Variants in STPG4 observed in about 807,000 individuals in gnomAD.
STPG4 encodes protein STPG4.
STPG4 carries 41 observed loss-of-function variants against 31.5 expected under a neutral mutation model. The observed-to-expected ratio is 1.30, with a 90% CI of 1.01 to 1.69. The LOEUF is 1.69. Among genes scored for constraint, STPG4 ranks in the 40% most tolerant of loss-of-function variants. The pLI is 0.00. For synonymous variants in STPG4, 141 were observed against 103.0 expected (o/e 1.37, Z -2.24); for missense variants, 375 against 293.4 (o/e 1.28, Z -2.03).
chr2:47,115,736 T>G (rs1686139305), intron 5 of STPG4, among the ~76,000 whole-genome samples: 1 of 136,870 alleles, frequency 7.3e-6, no homozygotes, highest in Non-Finnish European at 1.5e-5. Context: ...CACTGCAACC[T>G]CTGCCTCCTG....
At chr2:47,091,951 G>C in intron 5 of STPG4, among the ~76,000 whole-genome samples, 1 of 150,490 alleles carries the variant, frequency 6.6e-6, no homozygotes, top group Non-Finnish European at 1.5e-5. Context: ...CCATCCAGCA[G>C]TCCAGTGTTG....
chr2:47,096,000 T>C (rs546895211), intron 5 of STPG4, among the ~76,000 whole-genome samples: 2 of 152,298 alleles, frequency 1.3e-5, no homozygotes, highest in Admixed American at 6.5e-5. Context: ...TCTGATGCAG[T>C]AGAGTTACCA....
intron 5 of STPG4, among the ~76,000 whole-genome samples, chr2:47,105,427 CTACT>C (rs1285333430): frequency 6.6e-6 from 1 of 152,010 alleles, no homozygotes; most frequent in Non-Finnish European, 1.5e-5. Context: ...AGACAACTGC[CTACT>C]TAGATACCAG....
At chr2:47,115,759 T>C (rs910495677) in intron 5 of STPG4, among the ~76,000 whole-genome samples, 1 of 151,524 alleles carries the variant, frequency 6.6e-6, no homozygotes, top group African/African-American at 2.4e-5. Context: ...TTCAAGCGAT[T>C]CTTCTGTCTC....
At chr2:47,091,139 A>AGAAGGAAGG (rs1239279851) in intron 5 of STPG4, among the ~76,000 whole-genome samples, 8 of 137,522 alleles carry the variant, frequency 5.8e-5, no homozygotes, top group Admixed American at 3.0e-4. Flanking sequence ...AAGGAAGGAA[A>AGAAGGAAGG]GAAGGAAGGG....
At chr2:47,137,873 A>C (rs1300761486) in intron 3 of STPG4, among the ~76,000 whole-genome samples, 1 of 151,900 alleles carries the variant, frequency 6.6e-6, no homozygotes, top group African/African-American at 2.4e-5. Flanking sequence ...CTTTTTTCTT[A>C]GTTAGCCTAG....
chr2:47,140,933 C>G (rs910316253), intron 3 of STPG4, among the ~76,000 whole-genome samples: 1 of 150,972 alleles, frequency 6.6e-6, no homozygotes, highest in East Asian at 1.9e-4. Context: ...CTCACTCTAT[C>G]GGGGAGGCGG....
At chr2:47,145,513 G>C (rs1686803364) in intron 3 of STPG4, among the ~76,000 whole-genome samples, 1 of 152,218 alleles carries the variant, frequency 6.6e-6, no homozygotes, top group African/African-American at 2.4e-5. Context: ...TACCAGACTG[G>C]TGGCTCCCCT....
rs140818779 is a variant in STPG4 at position 47,138,576 on chromosome 2, A to T, written c.400-8316T>A. 2.4e-4 allele frequency among the ~76,000 whole-genome samples: 36 copies of T among 151,302 alleles called. No homozygotes were observed. In the East Asian group the frequency reaches 6.2e-3, roughly 26 times the overall value. ...CTGGTTAATTTGTTTTTTTAGATGG[A>T]GTCTTGCTCTGTTGCCAGGCTGGAG... On this transcript the variant is annotated intron_variant, in intron 3 of 6. Coordinates refer to ENST00000445927, the MANE Select transcript of STPG4 (RefSeq NM_001163561.2).
At chr2:47,109,758 T>C (rs944746924) in intron 5 of STPG4, among the ~76,000 whole-genome samples, 19 of 152,332 alleles carry the variant, frequency 1.2e-4, no homozygotes, top group African/African-American at 4.3e-4. Flanking sequence ...ATTAATTCTT[T>C]TTCTGTTCCC....
chr2:47,088,699 G>C (rs539883883), intron 6 of STPG4, among the ~76,000 whole-genome samples: 1 of 152,194 alleles, frequency 6.6e-6, no homozygotes, highest in Non-Finnish European at 1.5e-5. Flanking sequence ...CAGCAAGAGT[G>C]GAGCAGAGCA....
intron 5 of STPG4, among the ~76,000 whole-genome samples, chr2:47,127,118 T>C (rs765345713): frequency 6.6e-6 from 1 of 152,136 alleles, no homozygotes; most frequent in Admixed American, 6.5e-5. Flanking sequence ...AATCTCTCTC[T>C]CTATCTCTTT....
chr2:47,138,564 T>G (rs1043753695), intron 3 of STPG4, among the ~76,000 whole-genome samples: 1 of 151,894 alleles, frequency 6.6e-6, no homozygotes, highest in Non-Finnish European at 1.5e-5. Flanking sequence ...GTTAATTTGT[T>G]TTTTTAGATG....
intron 2 of STPG4, 138 bp from the exon 3 acceptor site, chr2:47,151,653 A>G: frequency 1.5e-6 from 1 of 686,592 alleles, no homozygotes; most frequent in South Asian, 1.9e-5. Flanking sequence ...TACAGTAAAC[A>G]CTCTTGACAG....
chr2:47,117,927 TA>T (rs35160999), intron 5 of STPG4, among the ~76,000 whole-genome samples: 42,249 of 125,758 alleles, frequency 0.34, 6,513 homozygotes, highest in East Asian at 0.48. Flanking sequence ...TATATATATA[TA>T]TATTTTTTTT....
chr2:47,091,218 C>T (rs1377486721), intron 5 of STPG4, among the ~76,000 whole-genome samples: 1 of 152,138 alleles, frequency 6.6e-6, no homozygotes, highest in East Asian at 1.9e-4. Context: ...GCTTTAACAA[C>T]AAGCACAAGC....
At chr2:47,095,205 A>G (rs943991033) in intron 5 of STPG4, among the ~76,000 whole-genome samples, 1 of 152,206 alleles carries the variant, frequency 6.6e-6, no homozygotes, top group African/African-American at 2.4e-5. Flanking sequence ...CCGGTACCTC[A>G]GTATGGGACC....
chr2:47,114,645 C>G (rs1686108588), intron 5 of STPG4, among the ~76,000 whole-genome samples: 1 of 152,204 alleles, frequency 6.6e-6, no homozygotes, highest in Non-Finnish European at 1.5e-5. Flanking sequence ...CACAAATTAT[C>G]CAATGAACTG....
intron 3 of STPG4, among the ~76,000 whole-genome samples, chr2:47,131,965 G>A (rs1686492398): frequency 6.6e-6 from 1 of 152,162 alleles, no homozygotes; most frequent in African/African-American, 2.4e-5. Context: ...AGAAGTTCAA[G>A]ACCAGCCTGA....
Sources: allele counts gnomAD v4.1 joint callset (sites outside exome capture counted in the v4.1 genomes callset), GRCh38; gene constraint gnomAD v4.1.1; transcripts MANE v1.5; gene names NCBI Gene and HGNC (gene_info 2026-07-23, HGNC 2026-07-21).